TIAM2: variants seen among roughly 807,000 people sequenced by gnomAD.
The protein encoded by TIAM2 is TIAM Rac1 associated GEF 2.
Under a neutral mutation model 152.9 loss-of-function variants are expected in TIAM2, and 80 were observed. That is an observed-to-expected ratio of 0.52 (90% CI 0.44 to 0.63). The LOEUF (loss-of-function observed/expected upper bound fraction) is 0.63. TIAM2 is among the 30% of genes least tolerant of loss of function. TIAM2 has a pLI of 0.00. For missense variants in TIAM2, 1,965 were observed against 2,120.1 expected (o/e 0.93, Z 1.44); for synonymous variants, 804 against 838.0 (o/e 0.96, Z 0.70).
intron 2 of TIAM2, among the ~76,000 whole-genome samples, chr6:155,108,268 C>T (rs185254847): frequency 1.3e-5 from 2 of 152,106 alleles, no homozygotes; most frequent in South Asian, 2.1e-4. Flanking sequence ...TTTACAGACA[C>T]GTCTTTAGGG....
rs552844848 is a variant in TIAM2 at position 155,057,817 on chromosome 6, G to A, written c.-208-32472G>A. On this transcript the variant is annotated intron_variant, in intron 1 of 26. Transcript: ENST00000682666. ...TGCCTCGGACTCCCAAAATGCTGGG[G>A]TTACAGGCATGAGCCACCGCGCCTG... Among the ~76,000 whole-genome samples the A allele has an allele frequency of 2.6e-5, 4 of 151,330 alleles. No homozygotes were observed. The East Asian group carries it at 5.9e-4, about 22-fold the overall frequency.
intron 4 of TIAM2, among the ~76,000 whole-genome samples, chr6:155,132,742 C>A (rs1253121845): frequency 6.6e-6 from 1 of 152,240 alleles, no homozygotes; most frequent in African/African-American, 2.4e-5. Flanking sequence ...CAGCTGTCAT[C>A]CACTGTGTCC....
At chr6:155,092,478 T>A (rs928446785) in intron 2 of TIAM2, among the ~76,000 whole-genome samples, 2 of 152,224 alleles carry the variant, frequency 1.3e-5, no homozygotes, top group African/African-American at 4.8e-5. Flanking sequence ...AGAATGATTA[T>A]GATTAAGTAT....
chr6:155,149,630 A>G (rs146131712), intron 7 of TIAM2, among the ~76,000 whole-genome samples: 155 of 152,302 alleles, frequency 1.0e-3, no homozygotes, highest in African/African-American at 3.3e-3. Context: ...TATATGAAGA[A>G]TTCAGCATGA....
At chr6:155,144,551 C>T (rs1039529842) in intron 5 of TIAM2, 55 bp from the exon 6 acceptor site, 2 of 1,435,832 alleles carry the variant, frequency 1.4e-6, no homozygotes, top group African/African-American at 1.5e-5. Flanking sequence ...CCTCCCAGTC[C>T]TTTCCTGCAT....
intron 1 of TIAM2, among the ~76,000 whole-genome samples, chr6:155,012,754 T>C (rs1778510684): frequency 6.6e-6 from 1 of 152,280 alleles, no homozygotes; most frequent in Non-Finnish European, 1.5e-5. Context: ...TTTCACCATA[T>C]TGGCCAGGCT....
chr6:155,015,022 G>T (rs1465947642), intron 1 of TIAM2, among the ~76,000 whole-genome samples: 1 of 152,136 alleles, frequency 6.6e-6, no homozygotes, highest in Non-Finnish European at 1.5e-5. Context: ...GTGGGGAGGT[G>T]TTGGAGGGTT....
chr6:155,091,227 T>TA (rs747709254), intron 2 of TIAM2, among the ~76,000 whole-genome samples: 5 of 152,264 alleles, frequency 3.3e-5, no homozygotes, highest in Admixed American at 6.5e-5. Flanking sequence ...CACGCTCTCT[T>TA]AGTTGCCTGC....
chr6:155,210,513 G>T (rs572091411), intron 14 of TIAM2, among the ~76,000 whole-genome samples: 3 of 150,870 alleles, frequency 2.0e-5, no homozygotes, highest in African/African-American at 4.9e-5. Context: ...TCAATTTCTC[G>T]TAGAGACACT....
At position 155,256,761 on chromosome 6, in the gene TIAM2, C is replaced by A. The variant is rs760055475; in HGVS notation, c.4746C>A (p.Gly1582=). ...ACCACCGTCAGACTGTGAAGCAGGG[C>A]AGCCCTACTAAAGACATCGAAATTC... is the stretch of plus-strand genomic sequence containing the variant. ...DDDHRQTVKQ[G]SPTKDIEIQF... is the part of the protein sequence containing the mutation. The change falls in exon 27 of 27, where the codon GGC becomes GGA. Residue 1582 remains glycine, a synonymous_variant. Coordinates refer to ENST00000682666, the MANE Select transcript of TIAM2 (RefSeq NM_012454.4). 3.7e-6 allele frequency: 6 copies of A among 1,614,208 alleles called. No individual in the cohort carries two copies. The Admixed American group carries it at 6.7e-5, about 18-fold the overall frequency.
At chr6:155,112,997 A>G (rs1178228380) in intron 2 of TIAM2, among the ~76,000 whole-genome samples, 1 of 151,254 alleles carries the variant, frequency 6.6e-6, no homozygotes, top group African/African-American at 2.4e-5. Flanking sequence ...CTGACAATCC[A>G]TATCCACACA....
chr6:155,240,610 G>C lies in TIAM2; in HGVS notation c.3249G>C (p.Gln1083His). 6.2e-7 allele frequency: 1 copy of C among 1,614,182 alleles called. No individual in the cohort carries two copies. Residue 1083 changes from glutamine (Q) to histidine (H), a missense_variant, in exon 16 of 27, where the codon CAG becomes CAC. Physicochemically the swap from Gln to His is conservative, Grantham distance 24 (BLOSUM62 0). This residue lies in a region of TIAM2 where 935 missense variants were observed against 980.0 expected (regional missense o/e 0.95). Transcript: ENST00000682666. Reference protein sequence around the residue: ...ANGMEGPRENQDPPPRSLARH... With the variant: ...ANGMEGPRENHDPPPRSLARH... ...GCATGGAAGGACCGCGGGAGAATCA[G>C]GATCCTCCTCCGAGGTCTCTGGCCC...
intron 2 of TIAM2, among the ~76,000 whole-genome samples, chr6:155,111,449 A>G (rs1487678762): frequency 6.6e-6 from 1 of 152,214 alleles, no homozygotes; most frequent in Non-Finnish European, 1.5e-5. Flanking sequence ...AACTAACAAT[A>G]ACCATCACTT....
chr6:155,194,855 G>T (rs1006608944), intron 14 of TIAM2, among the ~76,000 whole-genome samples: 5 of 152,102 alleles, frequency 3.3e-5, no homozygotes, highest in Non-Finnish European at 5.9e-5. Context: ...ATTGAATTAT[G>T]GGGGCGGTTT....
intron 1 of TIAM2, among the ~76,000 whole-genome samples, chr6:155,017,566 C>A: frequency 7.1e-6 from 1 of 140,646 alleles, no homozygotes; most frequent in Admixed American, 7.6e-5. Flanking sequence ...TGCAGTAGTG[C>A]GATCTTGGCT....
chr6:155,135,270 G>A (rs935832519), intron 4 of TIAM2, among the ~76,000 whole-genome samples: 1 of 152,144 alleles, frequency 6.6e-6, no homozygotes, highest in Non-Finnish European at 1.5e-5. Flanking sequence ...TTACAAAACA[G>A]CAAGTAATTG....
Position 155,174,517 on chromosome 6 carries a change from C to T in TIAM2, c.2362-2299C>T, listed in dbSNP as rs1168493619. ...TCCTGAGTAGCTGGGGCTACAGACG[C>T]GTGCCACCATGCCCGGATAATTTTT... On this transcript the variant is annotated intron_variant, in intron 9 of 26. Transcript: ENST00000682666. The surrounding 1 kb of genome is among the most constrained non-coding windows in gnomAD (Gnocchi z 4.2). Among the ~76,000 whole-genome samples the T allele has an allele frequency of 2.0e-5, 3 of 152,126 alleles. No individual in the cohort carries two copies. Among genetic ancestry groups the T allele is most frequent in the Non-Finnish European group, 4.4e-5 (3 of 68,010 alleles).
At chr6:155,246,454 C>T (rs951179257) in intron 19 of TIAM2, among the ~76,000 whole-genome samples, 1 of 152,144 alleles carries the variant, frequency 6.6e-6, no homozygotes, top group African/African-American at 2.4e-5. Context: ...TTGCCATTTC[C>T]TCCCACAAAC....
At chr6:155,023,572 C>G (rs554843114) in intron 1 of TIAM2, among the ~76,000 whole-genome samples, 1 of 152,146 alleles carries the variant, frequency 6.6e-6, no homozygotes, top group Admixed American at 6.5e-5. Flanking sequence ...TGGCCTGGAA[C>G]CAGCTGCAAG....
Sources: allele counts gnomAD v4.1 joint callset (sites outside exome capture counted in the v4.1 genomes callset), GRCh38; gene constraint gnomAD v4.1.1; regional missense constraint gnomAD v4.1.1; non-coding constraint Gnocchi (gnomAD v3.1); transcripts MANE v1.5; gene names NCBI Gene and HGNC (gene_info 2026-07-23, HGNC 2026-07-21).